Variants in WHAMM observed in about 807,000 individuals in gnomAD.
The protein encoded by WHAMM is WASP homolog-associated protein with actin, membranes and microtubules.
In WHAMM, 67 loss-of-function variants were observed where a neutral mutation model predicts 76.5. The observed-to-expected ratio is 0.88, with a 90% CI of 0.72 to 1.07. WHAMM has a LOEUF of 1.07. WHAMM is among the 50% of genes least tolerant of loss of function. The pLI is 0.00. For missense variants in WHAMM, 1,021 were observed against 1,051.1 expected (o/e 0.97, Z 0.40); for synonymous variants, 419 against 422.1 (o/e 0.99, Z 0.09).
In WHAMM at chr15:82,809,659, C is replaced by T. The variant is rs1167800021; in HGVS notation, c.-68C>T. The T allele has an allele frequency of 4.7e-6, 6 of 1,268,032 alleles. No homozygotes were observed. Among genetic ancestry groups the T allele is most frequent in the South Asian group, 1.9e-5 (1 of 53,300 alleles). The allele number at this position is 1,268,032 out of a possible 1,614,324, so 78.5% of individuals were successfully genotyped here. The stretch of plus-strand genomic sequence containing the variant: ...AAAAATGATTTGGCTCGGACTGTCC[C>T]GTGACAGGCGGTGCGAGGAGGCCAG... On this transcript the variant is annotated 5_prime_UTR_variant, in exon 1 of 10. Transcript: ENST00000286760.
chr15:82,820,896 CAA>C (rs60974626), intron 5 of WHAMM, among the ~76,000 whole-genome samples: 1 of 119,626 alleles, frequency 8.4e-6, no homozygotes, highest in Admixed American at 8.5e-5. Flanking sequence ...GACTCTGTCT[CAA>C]AAAAAAAAAA....
chr15:82,826,567 T>G, intron 7 of WHAMM, 71 bp downstream of exon 7: 1 of 1,591,096 alleles, frequency 6.3e-7, no homozygotes, highest in Admixed American at 1.7e-5. Flanking sequence ...TTGTGGAAAC[T>G]GGAGTTGCGC....
chr15:82,823,424 A>G (rs1011444140), intron 6 of WHAMM, 137 bp downstream of exon 6: 26 of 701,282 alleles, frequency 3.7e-5, no homozygotes, highest in African/African-American at 2.6e-4. Context: ...ATCCATGGCT[A>G]TAGTTAAAAT....
chr15:82,830,710 G>A lies in WHAMM; in HGVS notation c.1753G>A (p.Val585Ile). The A allele has an allele frequency of 6.2e-7, 1 of 1,613,970 alleles. No individual in the cohort carries two copies. Among genetic ancestry groups the A allele is most frequent in the Non-Finnish European group, 8.5e-7 (1 of 1,179,886 alleles). ...MCLPASHAVS[V>I]IHPSSRKTRG... ...CTTGCCAGCTTCCCACGCGGTGTCA[G>A]TAATTCACCCGTCCTCTAGGAAAAC... The change falls in exon 9 of 10, where the codon GTA becomes ATA. Residue 585 changes from valine (V) to isoleucine (I), a missense_variant. Transcript: ENST00000286760.
chr15:82,833,742 T>G lies in WHAMM; in HGVS notation c.*206T>G, dbSNP rs1026782152. 1 of 580,214 alleles carries G rather than the reference T, an allele frequency of 1.7e-6. No homozygotes were observed. The highest frequency in any genetic ancestry group is 3.0e-6 in the Non-Finnish European group (1 of 337,706). The allele number at this position is 580,214 out of a possible 1,614,324, so 35.9% of individuals were successfully genotyped here. ...TCTCACTCTGTCGCCCAGGCTGGGG[T>G]GCAGTGGCGCCATCTCGGCTCACCG... On this transcript the variant is annotated 3_prime_UTR_variant, in exon 10 of 10. Coordinates refer to ENST00000286760, the MANE Select transcript of WHAMM (RefSeq NM_001080435.3).
chr15:82,820,231 A>G (rs2050795785), intron 5 of WHAMM, among the ~76,000 whole-genome samples: 1 of 152,222 alleles, frequency 6.6e-6, no homozygotes, highest in African/African-American at 2.4e-5. Context: ...ACATAGGCAT[A>G]TAATGCATAA....
chr15:82,819,855 T>C (rs192838290), intron 5 of WHAMM, among the ~76,000 whole-genome samples: 1 of 152,194 alleles, frequency 6.6e-6, no homozygotes, highest in East Asian at 1.9e-4. Flanking sequence ...TACTAAACCC[T>C]GTCTCTACTA....
intron 9 of WHAMM, among the ~76,000 whole-genome samples, chr15:82,832,388 C>T (rs150665014): frequency 6.6e-6 from 1 of 152,282 alleles, no homozygotes; most frequent in East Asian, 1.9e-4. Flanking sequence ...GATTATTAAT[C>T]CTTGAAGCCT....
chr15:82,824,829 A>G (rs578062657), intron 6 of WHAMM, among the ~76,000 whole-genome samples: 50 of 152,268 alleles, frequency 3.3e-4, no homozygotes, highest in South Asian at 4.2e-4. Context: ...GCTTATAAAA[A>G]TGTTCATTAC....
chr15:82,810,235 T>C lies in WHAMM; in HGVS notation c.509T>C (p.Phe170Ser). 1 of 1,407,988 alleles carries C rather than the reference T, an allele frequency of 7.1e-7. No individual in the cohort carries two copies. The highest frequency in any genetic ancestry group is 9.3e-7 in the Non-Finnish European group (1 of 1,080,992). 87.2% of individuals were successfully genotyped at this position (1,407,988 alleles called of 1,614,324 possible). Residue 170 changes from phenylalanine (F) to serine (S), a missense_variant, in exon 1 of 10, where the codon TTC becomes TCC. Around this residue, in one of 3 missense-constraint regions of WHAMM, gnomAD observed 501 missense variants for 524.9 expected, o/e 0.95. Transcript: ENST00000286760. ...CGGATVRDAL[F>S]PAEGGAADCE... ...GGCGCCACAGTGCGCGACGCACTCT[T>C]CCCGGCTGAGGGCGGCGCGGCCGAC...
Position 82,810,095 on chromosome 15 carries a change from G to C in WHAMM, c.369G>C (p.Gly123=), listed in dbSNP as rs2050600215. 7.8e-7 allele frequency: 1 copy of C among 1,277,510 alleles called. No individual in the cohort carries two copies. Among genetic ancestry groups the C allele is most frequent in the Non-Finnish European group, 9.9e-7 (1 of 1,010,632 alleles). The allele number at this position is 1,277,510 out of a possible 1,614,324, so 79.1% of individuals were successfully genotyped here. ...GCGGCGGCGGGGCCTGGGGTCTGGG[G>C]CTCGGGCTGTGGGCGCTGCTGTGGC... is the stretch of plus-strand genomic sequence containing the variant. ...DVGGGGAWGL[G]LGLWALLWPT... The change falls in exon 1 of 10, where the codon GGG becomes GGC. Residue 123 remains glycine (G), a synonymous_variant. Transcript: ENST00000286760.
At chr15:82,817,559 T>A (rs2050747153) in intron 3 of WHAMM, among the ~76,000 whole-genome samples, 1 of 152,188 alleles carries the variant, frequency 6.6e-6, no homozygotes, top group Admixed American at 6.5e-5. Context: ...TCTGATACAT[T>A]GTGCAGAATC....
At position 82,817,960 on chromosome 15, in the gene WHAMM, T is replaced by C; in HGVS notation, c.975T>C (p.Gly325=). The C allele has an allele frequency of 7.1e-6, 11 of 1,547,882 alleles. No homozygotes were observed. In the South Asian group the frequency reaches 1.3e-4, roughly 18 times the overall value. The change falls in exon 4 of 10, where the codon GGT becomes GGC. Residue 325 remains glycine, a synonymous_variant. Transcript: ENST00000286760. Reference sequence around the variant, plus strand: ...TGGAACAGGATGCGAAGAGATTTGGTCAGGCTGCCTGGGCCACAGCAATTC... The same window carrying C: ...TGGAACAGGATGCGAAGAGATTTGGCCAGGCTGCCTGGGCCACAGCAATTC... ...KEMEQDAKRF[G]QAAWATAIPR...
chr15:82,831,756 A>G (rs989070759), intron 9 of WHAMM, among the ~76,000 whole-genome samples: 12 of 152,240 alleles, frequency 7.9e-5, no homozygotes, highest in African/African-American at 2.9e-4. Context: ...AATGGCCTAA[A>G]TCTGCCTAGA....
intron 8 of WHAMM, among the ~76,000 whole-genome samples, chr15:82,830,287 A>C (rs2051004942): frequency 6.6e-6 from 1 of 150,780 alleles, no homozygotes; most frequent in Non-Finnish European, 1.5e-5. Flanking sequence ...CAAATATCTT[A>C]TTATTCGTAT....
chr15:82,813,019 A>G, intron 1 of WHAMM, 84 bp from the exon 2 acceptor site: 1 of 1,041,364 alleles, frequency 9.6e-7, no homozygotes. Flanking sequence ...GAGAACATGA[A>G]GGTTTCTTTT....
rs180743841 is a variant in WHAMM at position 82,816,746 on chromosome 15, G to A, written c.838G>A (p.Glu280Lys). 9.0e-6 allele frequency: 14 copies of A among 1,558,584 alleles called. No individual in the cohort carries two copies. The East Asian group carries it at 3.1e-4, about 34-fold the overall frequency. ...GPRRVVALEK[E>K]AEEWTRRAEE... ...TAGAAGGGTAGTTGCCCTGGAGAAA[G>A]AAGCTGAAGAATGGACCAGACGGGC... The change falls in exon 3 of 10, where the codon GAA (glutamate) becomes AAA (lysine). Residue 280 changes from glutamate (E) to lysine (K), a missense_variant. Glu to Lys is a moderately conservative substitution (Grantham distance 56, BLOSUM62 1). Around this residue, in one of 3 missense-constraint regions of WHAMM, gnomAD observed 501 missense variants for 524.9 expected, o/e 0.95. Transcript: ENST00000286760.
rs779678595 is a variant in WHAMM at position 82,810,239 on chromosome 15, G to T, written c.513G>T (p.Pro171=). 5 of 1,401,610 alleles carry T rather than the reference G, an allele frequency of 3.6e-6. No individual in the cohort carries two copies. Among genetic ancestry groups the T allele is most frequent in the South Asian group, 1.5e-5 (1 of 68,422 alleles). 86.8% of individuals were successfully genotyped at this position (1,401,610 alleles called of 1,614,324 possible). The part of the protein sequence containing the change: ...GGATVRDALF[P]AEGGAADCES... ...CCACAGTGCGCGACGCACTCTTCCC[G>T]GCTGAGGGCGGCGCGGCCGACTGCG... Residue 171 remains proline, a synonymous_variant, in exon 1 of 10, where the codon CCG becomes CCT. Transcript: ENST00000286760.
At chr15:82,811,330 T>C (rs971474808) in intron 1 of WHAMM, among the ~76,000 whole-genome samples, 7 of 152,194 alleles carry the variant, frequency 4.6e-5, no homozygotes, top group Non-Finnish European at 8.8e-5. Context: ...GTCTTCACCT[T>C]AGGATATGAG....
Sources: gnomAD v4.1 joint callset for allele counts (sites outside exome capture counted in the v4.1 genomes callset) on GRCh38, gnomAD v4.1.1 for gene constraint, gnomAD v4.1.1 regional missense constraint, MANE v1.5 for transcripts, NCBI Gene and HGNC (gene_info 2026-07-23, HGNC 2026-07-21) for gene names.